The following RABGAP1L variants were observed in gnomAD, a reference collection of about 807,000 sequenced individuals.
RABGAP1L encodes RAB GTPase activating protein 1 like, also known as rab GTPase-activating protein 1-like.
In RABGAP1L, 63 loss-of-function variants were observed where a neutral mutation model predicts 137.7. The ratio of observed to expected loss-of-function variants is 0.46; its 90% CI spans 0.37 to 0.56. The LOEUF (loss-of-function observed/expected upper bound fraction) is 0.56, where lower values mean the gene tolerates loss of function less well. Ranked by LOEUF, RABGAP1L falls within the 20% of genes least tolerant of loss-of-function variation. RABGAP1L has a pLI of 0.00. For synonymous variants in RABGAP1L, 431 were observed against 433.7 expected (o/e 0.99, Z 0.08); for missense variants, 1,095 against 1,244.0 (o/e 0.88, Z 1.80).
At chr1:174,458,635 A>C (rs1159752391) in intron 13 of RABGAP1L, among the ~76,000 whole-genome samples, 1 of 152,160 alleles carries the variant, frequency 6.6e-6, no homozygotes, top group Admixed American at 6.5e-5. Flanking sequence ...TAGCTAATCT[A>C]CATTACTTAT....
intron 12 of RABGAP1L, among the ~76,000 whole-genome samples, chr1:174,392,874 G>A (rs1558195304): frequency 6.6e-6 from 1 of 152,148 alleles, no homozygotes; most frequent in African/African-American, 2.4e-5. Flanking sequence ...TCAAGGTTTG[G>A]AGTCCCAGTG....
intron 17 of RABGAP1L, among the ~76,000 whole-genome samples, chr1:174,712,873 TCTG>T (rs1375869391): frequency 6.6e-6 from 1 of 152,214 alleles, no homozygotes; most frequent in Non-Finnish European, 1.5e-5. Flanking sequence ...GGTGTGCTCT[TCTG>T]CTGGTGTGTG....
At chr1:174,261,579 CTCT>C (rs546981340) in intron 7 of RABGAP1L, among the ~76,000 whole-genome samples, 125 of 152,268 alleles carry the variant, frequency 8.2e-4, no homozygotes, top group Non-Finnish European at 1.5e-3. Flanking sequence ...CCCAGGGACT[CTCT>C]TCTTCTCATG....
At position 174,241,568 on chromosome 1, in the gene RABGAP1L, A is replaced by G. The variant is rs1219975232; in HGVS notation, c.628A>G (p.Thr210Ala). The change falls in exon 5 of 26, where the codon ACA becomes GCA. Residue 210 changes from threonine (T) to alanine (A), a missense_variant. Physicochemically the swap from Thr to Ala is moderately conservative, Grantham distance 58. Coordinates refer to ENST00000681986, the MANE Select transcript of RABGAP1L (RefSeq NM_001366446.1). ...CTGTGCACGTGGACATGACGGAACA[A>G]CAGAGAGCAATTGCTTTGCATTTAC... ...LFCARGHDGT[T>A]ESNCFAFTES... 1.2e-6 allele frequency: 2 copies of G among 1,613,814 alleles called. No individual in the cohort carries two copies. The highest frequency in any genetic ancestry group is 4.5e-5 in the East Asian group (2 of 44,868).
intron 19 of RABGAP1L, among the ~76,000 whole-genome samples, chr1:174,902,868 C>T (rs1658373486): frequency 6.6e-6 from 1 of 151,804 alleles, no homozygotes; most frequent in South Asian, 2.1e-4. Flanking sequence ...TATTTCGGTG[C>T]TGAATTCACT....
chr1:174,449,696 T>G (rs1357467788), intron 13 of RABGAP1L, among the ~76,000 whole-genome samples: 1 of 152,228 alleles, frequency 6.6e-6, no homozygotes, highest in Non-Finnish European at 1.5e-5. Context: ...TAATCTATAA[T>G]CCATAAGTGA....
At chr1:174,472,249 G>A (rs1234510302) in intron 13 of RABGAP1L, among the ~76,000 whole-genome samples, 1 of 152,214 alleles carries the variant, frequency 6.6e-6, no homozygotes, top group Admixed American at 6.5e-5. Context: ...GGTAAGGAGT[G>A]TGGCATCAGG....
chr1:174,304,446 T>A (rs901699904), intron 10 of RABGAP1L, among the ~76,000 whole-genome samples: 13 of 151,878 alleles, frequency 8.6e-5, no homozygotes, highest in African/African-American at 2.7e-4. Context: ...ATTAGCAAAT[T>A]AAATCCATAT....
chr1:174,881,495 T>G (rs1319555857), intron 19 of RABGAP1L, among the ~76,000 whole-genome samples: 2 of 143,312 alleles, frequency 1.4e-5, no homozygotes, highest in Admixed American at 7.0e-5. Context: ...TCATTTGCTT[T>G]TTTTTTTTTT....
rs575333107 is a variant in RABGAP1L, at chr1:174,573,855, A to T, written c.1711-63520A>T. ...CCCAGTAAAGACCTCATTAATTTAA[A>T]CTCTATTAAAGAAGGATTGTGAACA... On this transcript the variant is annotated intron_variant, in intron 13 of 25. Coordinates refer to ENST00000681986, the MANE Select transcript of RABGAP1L (RefSeq NM_001366446.1). Among the ~76,000 whole-genome samples the T allele has an allele frequency of 3.3e-5, 5 of 152,338 alleles. No homozygotes were observed. In the South Asian group the frequency reaches 1.0e-3, roughly 32 times the overall value.
intron 13 of RABGAP1L, among the ~76,000 whole-genome samples, chr1:174,576,122 A>T (rs1052768832): frequency 6.6e-6 from 1 of 152,228 alleles, no homozygotes; most frequent in African/African-American, 2.4e-5. Flanking sequence ...ATTAATCAGC[A>T]GTAACAGTTG....
At chr1:174,579,270 T>G (rs1397944461) in intron 13 of RABGAP1L, among the ~76,000 whole-genome samples, 2 of 151,894 alleles carry the variant, frequency 1.3e-5, no homozygotes, top group Non-Finnish European at 2.9e-5. Flanking sequence ...TGCTAATCAG[T>G]GGGAAGGGAG....
chr1:174,306,512 C>T (rs184168893), intron 11 of RABGAP1L, among the ~76,000 whole-genome samples: 20 of 152,250 alleles, frequency 1.3e-4, no homozygotes, highest in Admixed American at 1.2e-3. Context: ...TCTCTGATGG[C>T]CAGTGATGAT....
chr1:174,685,192 A>G (rs978600782), intron 15 of RABGAP1L, among the ~76,000 whole-genome samples: 4 of 152,134 alleles, frequency 2.6e-5, no homozygotes, highest in Non-Finnish European at 5.9e-5. Context: ...GATAGCAAAT[A>G]TATCTATGGA....
At chr1:174,310,527 G>T (rs1313804230) in intron 11 of RABGAP1L, among the ~76,000 whole-genome samples, 1 of 152,156 alleles carries the variant, frequency 6.6e-6, no homozygotes, top group African/African-American at 2.4e-5. Flanking sequence ...GTCCATTGCT[G>T]AAAGTGGGTT....
chr1:174,917,290 A>G (rs546533794), intron 19 of RABGAP1L, among the ~76,000 whole-genome samples: 8 of 152,304 alleles, frequency 5.3e-5, no homozygotes, highest in Admixed American at 1.3e-4. Context: ...TTGGCAGGTT[A>G]TGCTTCCAAT....
At chr1:174,875,597 T>TG (rs1652957505) in intron 19 of RABGAP1L, 1 of 985,378 alleles carries the variant, frequency 1.0e-6, no homozygotes. Context: ...CAAGAGGAAT[T>TG]GCTTTCACAT....
chr1:174,511,236 A>T (rs1475947311), intron 13 of RABGAP1L, among the ~76,000 whole-genome samples: 1 of 152,232 alleles, frequency 6.6e-6, no homozygotes, highest in Non-Finnish European at 1.5e-5. Context: ...TATAAGGTAC[A>T]TAAGGCTACA....
At chr1:174,364,701 CTT>C (rs945864289) in intron 11 of RABGAP1L, among the ~76,000 whole-genome samples, 1 of 152,164 alleles carries the variant, frequency 6.6e-6, no homozygotes, top group Non-Finnish European at 1.5e-5. Context: ...TGTAATGTCT[CTT>C]TTTTATCTCC....
Sources: gnomAD v4.1 joint callset for allele counts (sites outside exome capture counted in the v4.1 genomes callset) on GRCh38, gnomAD v4.1.1 for gene constraint, MANE v1.5 for transcripts, NCBI Gene and HGNC (gene_info 2026-07-23, HGNC 2026-07-21) for gene names.